The following ATP9B variants were observed in gnomAD, a reference collection of about 807,000 sequenced individuals.
The protein encoded by ATP9B is probable phospholipid-transporting ATPase IIB.
A neutral mutation model predicts 146.1 loss-of-function variants in ATP9B; 110 were observed. That is an observed-to-expected ratio of 0.75 (90% CI 0.65 to 0.88). The LOEUF (loss-of-function observed/expected upper bound fraction) is 0.88. Ranked by LOEUF, ATP9B falls within the 40% of genes least tolerant of loss-of-function variation. ATP9B has a pLI of 0.00. For synonymous variants in ATP9B, 604 were observed against 569.7 expected, an observed-to-expected ratio of 1.06 and a Z score of -0.86; for missense variants, 1,499 against 1,496.4, an observed-to-expected ratio of 1.00 and a Z score of -0.03.
chr18:79,220,132 C>T (rs979374781), intron 11 of ATP9B, among the ~76,000 whole-genome samples: 1 of 152,022 alleles, frequency 6.6e-6, no homozygotes, highest in Non-Finnish European at 1.5e-5. Flanking sequence ...TGGTGGATGG[C>T]AGTGAGAGGG....
intron 15 of ATP9B, among the ~76,000 whole-genome samples, chr18:79,324,600 C>T (rs572125450): frequency 6.6e-6 from 1 of 152,234 alleles, no homozygotes; most frequent in Admixed American, 6.5e-5. Flanking sequence ...CAGACCCTGC[C>T]CCACATCCCA....
intron 11 of ATP9B, among the ~76,000 whole-genome samples, chr18:79,215,980 G>A (rs74494812): frequency 0.06 from 9,180 of 152,090 alleles, 546 homozygotes; most frequent in African/African-American, 0.15. Flanking sequence ...GTGAGCCACC[G>A]CACCCGACCA....
At chr18:79,329,077 T>C (rs1291025439) in intron 15 of ATP9B, 64 bp from the exon 16 acceptor site, 10 of 1,425,528 alleles carry the variant, frequency 7.0e-6, no homozygotes, top group Non-Finnish European at 9.2e-6. Flanking sequence ...ACTGCCGTGC[T>C]GGCTCGCCTG....
chr18:79,228,850 C>T (rs2095761397), intron 11 of ATP9B, among the ~76,000 whole-genome samples: 1 of 152,008 alleles, frequency 6.6e-6, no homozygotes, highest in African/African-American at 2.4e-5. Flanking sequence ...CATGGCGAAA[C>T]CCTGTCTCTA....
At chr18:79,154,470 A>T in intron 6 of ATP9B, 34 bp from the exon 7 acceptor site, 1 of 1,457,416 alleles carries the variant, frequency 6.9e-7, no homozygotes, top group Non-Finnish European at 9.2e-7. Flanking sequence ...AAACCTGCAT[A>T]TAGATAATTA....
intron 7 of ATP9B, among the ~76,000 whole-genome samples, chr18:79,168,366 G>A (rs1346527441): frequency 7.0e-6 from 1 of 142,416 alleles, no homozygotes; most frequent in African/African-American, 2.7e-5. Context: ...AATAAGTTTT[G>A]TTTTTGATTT....
At chr18:79,128,452 A>G (rs1024406543) in intron 5 of ATP9B, among the ~76,000 whole-genome samples, 2 of 152,202 alleles carry the variant, frequency 1.3e-5, no homozygotes, top group African/African-American at 4.8e-5. Flanking sequence ...TTGTCCTAGT[A>G]TGACTTGTTG....
chr18:79,330,980 C>T (rs1471050194), intron 17 of ATP9B, among the ~76,000 whole-genome samples: 1 of 152,128 alleles, frequency 6.6e-6, no homozygotes, highest in African/African-American at 2.4e-5. Flanking sequence ...AAAATTAGAA[C>T]ATAAGATACA....
At chr18:79,346,426 C>T (rs1472921878) in intron 23 of ATP9B, among the ~76,000 whole-genome samples, 1 of 151,746 alleles carries the variant, frequency 6.6e-6, no homozygotes, top group Non-Finnish European at 1.5e-5. Context: ...GGTCAGCGCA[C>T]GTCAGCACGT....
Position 79,359,337 on chromosome 18 carries a change from C to T in ATP9B, c.2904-17C>T, listed in dbSNP as rs527849574. ...GAAGTTTCTCACGCCCATTGCACTC[C>T]GCTCTTGGTCTTGCAGGTATGCCAC... On this transcript the variant is annotated splice_polypyrimidine_tract_variant and intron_variant, in intron 25 of 29. Coordinates refer to ENST00000426216, the MANE Select transcript of ATP9B (RefSeq NM_198531.5). 2.5e-5 allele frequency: 40 copies of T among 1,584,954 alleles called. No homozygotes were observed. Among genetic ancestry groups the T allele is most frequent in the South Asian group, 2.3e-4 (21 of 90,286 alleles).
At chr18:79,295,375 A>G (rs1264894307) in intron 13 of ATP9B, among the ~76,000 whole-genome samples, 1 of 152,178 alleles carries the variant, frequency 6.6e-6, no homozygotes, top group Non-Finnish European at 1.5e-5. Context: ...GTTATTTAAA[A>G]CCTATTATAA....
At chr18:79,173,896 G>C (rs890906491) in intron 7 of ATP9B, among the ~76,000 whole-genome samples, 1 of 152,096 alleles carries the variant, frequency 6.6e-6, no homozygotes, top group African/African-American at 2.4e-5. Flanking sequence ...AAGTCTTCAT[G>C]GGACAATGAT....
chr18:79,128,584 A>G (rs1271628164), intron 5 of ATP9B, among the ~76,000 whole-genome samples: 2 of 152,176 alleles, frequency 1.3e-5, no homozygotes, highest in African/African-American at 4.8e-5. Context: ...AAACCCCCAA[A>G]TGGCCCGGTA....
At chr18:79,074,176 G>T (rs2072319138) in intron 1 of ATP9B, among the ~76,000 whole-genome samples, 1 of 152,124 alleles carries the variant, frequency 6.6e-6, no homozygotes, top group Non-Finnish European at 1.5e-5. Flanking sequence ...GCTCTTCCTG[G>T]TCTCTGTTGG....
intron 13 of ATP9B, among the ~76,000 whole-genome samples, chr18:79,289,122 T>C (rs2096475029): frequency 6.6e-6 from 1 of 152,180 alleles, no homozygotes; most frequent in Admixed American, 6.5e-5. Context: ...GGAGTATCTT[T>C]GTGGAGTTCT....
At chr18:79,297,350 G>C (rs540303702) in intron 13 of ATP9B, among the ~76,000 whole-genome samples, 5 of 143,374 alleles carry the variant, frequency 3.5e-5, no homozygotes, top group African/African-American at 1.3e-4. Context: ...AGATGACCCA[G>C]CCAGAGAGGA....
chr18:79,229,425 A>G (rs528947059), intron 11 of ATP9B, among the ~76,000 whole-genome samples: 1 of 152,368 alleles, frequency 6.6e-6, no homozygotes, highest in Non-Finnish European at 1.5e-5. Flanking sequence ...AAATTGTTTC[A>G]TAGCCTTAAG....
rs1303017986 is a variant in ATP9B, at chr18:79,356,901, CTGTGTGAGGGGTGT to C, written c.2904-2452_2904-2439del. 1.2e-4 allele frequency among the ~76,000 whole-genome samples: 4 copies of C among 34,752 alleles called. 1 individual carries two copies. Among genetic ancestry groups the C allele is most frequent in the African/African-American group, 2.7e-4 (3 of 10,918 alleles). 22.8% of individuals were successfully genotyped at this position (34,752 alleles called of 152,430 possible). A position where few individuals can be genotyped will look rare whatever the true frequency, so the allele number is the denominator to read the frequency against. On this transcript the variant is annotated intron_variant, in intron 25 of 29. Coordinates refer to ENST00000426216, the MANE Select transcript of ATP9B (RefSeq NM_198531.5). ...AGGGATGCTCTGGGTCTGGAGGTGT[CTGTGTGAGGGGTGT>C]CCTGGGTCTGGAGGTGTCCGTGTGA...
intron 2 of ATP9B, among the ~76,000 whole-genome samples, chr18:79,105,815 G>A (rs190580230): frequency 1.3e-5 from 2 of 152,248 alleles, no homozygotes; most frequent in African/African-American, 2.4e-5. Context: ...TCAACTAATC[G>A]GCAGACGTTG....
Sources: allele counts gnomAD v4.1 joint callset (sites outside exome capture counted in the v4.1 genomes callset), GRCh38; gene constraint gnomAD v4.1.1; transcripts MANE v1.5; gene names NCBI Gene and HGNC (gene_info 2026-07-23, HGNC 2026-07-21).